The following ZNF248 variants were observed in gnomAD, a reference collection of about 807,000 sequenced individuals.
ZNF248 encodes the protein zinc finger protein 248.
A neutral mutation model predicts 44.3 loss-of-function variants in ZNF248; 20 were observed. That is an observed-to-expected ratio of 0.45 (90% CI 0.32 to 0.66). ZNF248 has a LOEUF of 0.66. Among genes scored for constraint, ZNF248 ranks in the 30% least tolerant of loss-of-function variants. The probability of loss-of-function intolerance (pLI) is 0.04; values close to 1 mark genes in which losing one functional copy is unlikely to be tolerated. For missense variants in ZNF248, 654 were observed against 677.0 expected (o/e 0.97, Z 0.38); for synonymous variants, 224 against 229.0 (o/e 0.98, Z 0.20).
intron 6 of ZNF248, among the ~76,000 whole-genome samples, chr10:37,806,311 T>C (rs548367665): frequency 1.4e-4 from 21 of 152,296 alleles, no homozygotes; most frequent in African/African-American, 5.1e-4. Flanking sequence ...AGCTGTACCA[T>C]TTTACATTCC....
At chr10:37,776,960 A>G (rs1042219408) in intron 6 of ZNF248, among the ~76,000 whole-genome samples, 7 of 152,214 alleles carry the variant, frequency 4.6e-5, no homozygotes, top group African/African-American at 1.7e-4. Flanking sequence ...AGAGCTAATG[A>G]GAAGAAAAAA....
chr10:37,850,072 TA>T (rs914408235), intron 3 of ZNF248, among the ~76,000 whole-genome samples: 35 of 149,362 alleles, frequency 2.3e-4, no homozygotes, highest in Admixed American at 1.3e-3. Context: ...GACTCTGTCT[TA>T]AAAAAAAAAT....
downstream of ZNF248, among the ~76,000 whole-genome samples, chr10:37,773,257 T>C (rs2046341003): frequency 2.0e-5 from 3 of 151,974 alleles, no homozygotes; most frequent in Non-Finnish European, 2.9e-5. Flanking sequence ...AAATAAATAA[T>C]AATAATAATA....
the ZNF248 span, among the ~76,000 whole-genome samples, chr10:37,760,019 G>GA: frequency 2.0e-5 from 3 of 152,138 alleles, no homozygotes; most frequent in Non-Finnish European, 4.4e-5. Context: ...CCAGAAGAGG[G>GA]AAAAGCAGGT....
intron 3 of ZNF248, among the ~76,000 whole-genome samples, chr10:37,851,768 CAAAAAAAAAAA>C (rs57501241): frequency 3.4e-4 from 11 of 32,058 alleles, no homozygotes; most frequent in East Asian, 2.4e-3. Flanking sequence ...TCAGAATGAC[CAAAAAAAAAAA>C]AAAAAAAAAA....
the ZNF248 span, among the ~76,000 whole-genome samples, chr10:37,769,723 T>C: frequency 6.6e-6 from 1 of 152,194 alleles, no homozygotes; most frequent in Non-Finnish European, 1.5e-5. Context: ...AAGACAGGGA[T>C]GCCCTCTCTC....
chr10:37,844,337 C>T (rs1255486341), intron 3 of ZNF248, among the ~76,000 whole-genome samples: 1 of 152,032 alleles, frequency 6.6e-6, no homozygotes, highest in Non-Finnish European at 1.5e-5. Flanking sequence ...TATCATAAAC[C>T]CTGCCCTACA....
At chr10:37,813,521 A>G (rs1429528396) in intron 6 of ZNF248, among the ~76,000 whole-genome samples, 1 of 152,096 alleles carries the variant, frequency 6.6e-6, no homozygotes, top group Non-Finnish European at 1.5e-5. Flanking sequence ...AGCCTATTCA[A>G]TGTGATGACA....
chr10:37,776,788 C>A (rs753997284), intron 6 of ZNF248, among the ~76,000 whole-genome samples: 1 of 152,084 alleles, frequency 6.6e-6, no homozygotes, highest in Non-Finnish European at 1.5e-5. Context: ...CCGCCCCCCA[C>A]CCACTTCAGT....
rs375160333 is a variant in ZNF248 at position 37,837,601 on chromosome 10, G to A, written c.238+16C>T. ...AATTTCCTCTGGCTTTCATCTGCCAGAAATCACTAACTCACCTGGGTGGCA... is the reference window on the plus strand; with the variant it reads ...AATTTCCTCTGGCTTTCATCTGCCAAAAATCACTAACTCACCTGGGTGGCA... On this transcript the variant is annotated intron_variant, in intron 5 of 5. Coordinates refer to ENST00000395867, the MANE Select transcript of ZNF248 (RefSeq NM_021045.3). 62 of 1,607,828 alleles carry A rather than the reference G, an allele frequency of 3.9e-5. No homozygotes were observed. Among genetic ancestry groups the A allele is most frequent in the Non-Finnish European group, 5.2e-5 (61 of 1,176,238 alleles).
chr10:37,838,128 T>C lies in ZNF248; in HGVS notation c.16-17A>G. On this transcript the variant is annotated splice_polypyrimidine_tract_variant and intron_variant, in intron 3 of 5. Coordinates refer to ENST00000395867, the MANE Select transcript of ZNF248 (RefSeq NM_021045.3). ...CACTTGTTCCTGTAATAGTATACTC[T>C]TTTTACATGAAATGGTCAGAACTAG... is the stretch of plus-strand genomic sequence containing the variant. 6.2e-7 allele frequency: 1 copy of C among 1,600,952 alleles called. No individual in the cohort carries two copies. Among genetic ancestry groups the C allele is most frequent in the Non-Finnish European group, 8.5e-7 (1 of 1,172,430 alleles).
At chr10:37,814,390 T>C (rs1251372006) in intron 6 of ZNF248, among the ~76,000 whole-genome samples, 2 of 152,244 alleles carry the variant, frequency 1.3e-5, no homozygotes, top group African/African-American at 2.4e-5. Context: ...TCTTAAATCA[T>C]GTAAAAATCA....
At chr10:37,809,398 C>T (rs2051144239) in intron 6 of ZNF248, among the ~76,000 whole-genome samples, 1 of 152,136 alleles carries the variant, frequency 6.6e-6, no homozygotes, top group Admixed American at 6.6e-5. Flanking sequence ...CCACTGCAGG[C>T]TCCTAAGCAG....
intron 6 of ZNF248, among the ~76,000 whole-genome samples, chr10:37,787,612 C>G (rs561262714): frequency 1.0e-4 from 15 of 148,040 alleles, no homozygotes; most frequent in African/African-American, 3.2e-4. Context: ...TGTATGTCCA[C>G]AAATCATGTT....
At chr10:37,780,483 A>G (rs542033500) in intron 6 of ZNF248, among the ~76,000 whole-genome samples, 35 of 152,334 alleles carry the variant, frequency 2.3e-4, no homozygotes, top group Admixed American at 2.1e-3. Flanking sequence ...CTGAAACTGG[A>G]TCCCTTCCTT....
intron 3 of ZNF248, among the ~76,000 whole-genome samples, chr10:37,846,355 C>T (rs1394653064): frequency 6.6e-6 from 1 of 152,102 alleles, no homozygotes; most frequent in African/African-American, 2.4e-5. Flanking sequence ...ACAATGAAGC[C>T]AGGTGCGGTG....
rs2056107502 is a variant in ZNF248 at position 37,832,653 on chromosome 10, T to A, written c.702A>T (p.Arg234Ser). 18 of 1,613,386 alleles carry A rather than the reference T, an allele frequency of 1.1e-5. No individual in the cohort carries two copies. Among genetic ancestry groups the A allele is most frequent in the Non-Finnish European group, 1.4e-5 (17 of 1,179,890 alleles). ...TACAGACTGTCTCTCCTATCTGAGATCTCTTATTTGTAAAAAATGCTGCCT... is the reference window on the plus strand; with the variant it reads ...TACAGACTGTCTCTCCTATCTGAGAACTCTTATTTGTAAAAAATGCTGCCT... ...HDEAAFFTNK[R>S]SQIGETVCKY... Residue 234 changes from arginine (R) to serine (S), a missense_variant, in exon 6 of 6, where the codon AGA becomes AGT. Arg to Ser is a moderately radical substitution (Grantham distance 110, BLOSUM62 -1). Transcript: ENST00000395867.
intron 5 of ZNF248, among the ~76,000 whole-genome samples, chr10:37,835,907 G>A (rs2057063852): frequency 6.6e-6 from 1 of 152,114 alleles, no homozygotes; most frequent in African/African-American, 2.4e-5. Flanking sequence ...CAATCTCTTA[G>A]TCAAAAACAG....
At chr10:37,770,435 TAGAAC>T in the ZNF248 span, among the ~76,000 whole-genome samples, 1 of 152,206 alleles carries the variant, frequency 6.6e-6, no homozygotes, top group Non-Finnish European at 1.5e-5. Flanking sequence ...TATAGATCAA[TAGAAC>T]AGAACAGAGC....
Sources: gnomAD v4.1 joint callset for allele counts (sites outside exome capture counted in the v4.1 genomes callset) on GRCh38, gnomAD v4.1.1 for gene constraint, MANE v1.5 for transcripts, NCBI Gene and HGNC (gene_info 2026-07-23, HGNC 2026-07-21) for gene names.